Variants in TENM4 observed in about 807,000 individuals in gnomAD.
TENM4 encodes the protein teneurin-4.
In TENM4, 82 loss-of-function variants were observed where a neutral mutation model predicts 243.3. The observed-to-expected ratio is 0.34, with a 90% CI of 0.28 to 0.40. The LOEUF (loss-of-function observed/expected upper bound fraction) is 0.40. TENM4 is among the 10% of genes least tolerant of loss of function. The pLI, the probability that TENM4 is intolerant of heterozygous loss-of-function variation, is 1.00. For synonymous variants in TENM4, 1,412 were observed against 1,456.3 expected (o/e 0.97, Z 0.69); for missense variants, 3,138 against 3,673.3 (o/e 0.85, Z 3.77).
At chr11:79,373,076 T>C (rs903502913) in intron 1 of TENM4, among the ~76,000 whole-genome samples, 1 of 152,180 alleles carries the variant, frequency 6.6e-6, no homozygotes, top group Non-Finnish European at 1.5e-5. Context: ...AAAAAATATA[T>C]ATCTAAAGAC....
intron 2 of TENM4, among the ~76,000 whole-genome samples, chr11:79,271,782 C>G (rs900899592): frequency 2.6e-5 from 4 of 152,198 alleles, no homozygotes; most frequent in Non-Finnish European, 5.9e-5. Context: ...GGCCTCTGGC[C>G]TGGGACTACC....
At chr11:79,044,987 T>G (rs1342380645) in intron 6 of TENM4, among the ~76,000 whole-genome samples, 1 of 152,184 alleles carries the variant, frequency 6.6e-6, no homozygotes, top group Non-Finnish European at 1.5e-5. Context: ...AGCATGTAAT[T>G]CAGTGGCATT....
chr11:78,915,497 G>T (rs970184430), intron 6 of TENM4, among the ~76,000 whole-genome samples: 4 of 152,118 alleles, frequency 2.6e-5, no homozygotes, highest in African/African-American at 9.7e-5. Flanking sequence ...GATTCTCGAG[G>T]GGCCTGGGGT....
intron 2 of TENM4, chr11:79,221,201 C>G (rs1221253434): frequency 6.6e-6 from 1 of 152,150 alleles, no homozygotes; most frequent in Admixed American, 6.5e-5. Context: ...TTGGGACAAG[C>G]CAGCATAGTG....
rs75158447 is a variant in TENM4 at position 79,034,741 on chromosome 11, A to G, written c.493+29997T>C. On this transcript the variant is annotated intron_variant, in intron 6 of 33. Transcript: ENST00000278550. ...AATGCCTGGATAACAAGGTGAGCAC[A>G]TGGCTGTGGGACTGGCATACGTGGA... 2.0e-5 allele frequency among the ~76,000 whole-genome samples: 3 copies of G among 152,188 alleles called. No individual in the cohort carries two copies. The East Asian group carries it at 5.8e-4, about 29-fold the overall frequency.
intron 1 of TENM4, among the ~76,000 whole-genome samples, chr11:79,343,502 A>G (rs762872584): frequency 1.3e-5 from 2 of 152,198 alleles, no homozygotes; most frequent in Admixed American, 6.5e-5. Flanking sequence ...TGTTCTTGTG[A>G]GCATTAAAAA....
At chr11:79,384,106 G>A (rs1858060894) in intron 1 of TENM4, among the ~76,000 whole-genome samples, 1 of 152,122 alleles carries the variant, frequency 6.6e-6, no homozygotes, top group Non-Finnish European at 1.5e-5. Flanking sequence ...TGATGACCAG[G>A]AATTTCATTC....
intron 6 of TENM4, among the ~76,000 whole-genome samples, chr11:78,996,849 G>A (rs1235096574): frequency 6.6e-6 from 1 of 152,180 alleles, no homozygotes; most frequent in Non-Finnish European, 1.5e-5. Context: ...TGGTCTTGTG[G>A]AGGGCTCCAG....
intron 9 of TENM4, among the ~76,000 whole-genome samples, chr11:78,872,386 A>G (rs1031077198): frequency 2.6e-5 from 4 of 152,218 alleles, no homozygotes; most frequent in Non-Finnish European, 5.9e-5. Context: ...CACTGAACCC[A>G]AAGGATCTCC....
chr11:79,259,128 T>C (rs144264924), intron 2 of TENM4, among the ~76,000 whole-genome samples: 1 of 152,200 alleles, frequency 6.6e-6, no homozygotes, highest in East Asian at 1.9e-4. Flanking sequence ...CAGAAGTAGG[T>C]GTGCCATAAT....
At chr11:79,063,783 T>G (rs1190124832) in intron 6 of TENM4, among the ~76,000 whole-genome samples, 2 of 152,108 alleles carry the variant, frequency 1.3e-5, no homozygotes, top group African/African-American at 4.8e-5. Flanking sequence ...AAAGGAGGTG[T>G]GTGAACCAGG....
chr11:79,397,617 G>C (rs1471009407), intron 1 of TENM4, among the ~76,000 whole-genome samples: 2 of 152,194 alleles, frequency 1.3e-5, no homozygotes, highest in African/African-American at 4.8e-5. Context: ...ACCAGATACA[G>C]AATAAGAGTA....
chr11:78,915,554 T>A (rs1408238047), intron 6 of TENM4, among the ~76,000 whole-genome samples: 2 of 152,200 alleles, frequency 1.3e-5, no homozygotes, highest in Non-Finnish European at 2.9e-5. Context: ...AAACTTGACC[T>A]GACATTTCTC....
At chr11:79,198,849 G>A (rs1863687158) in intron 3 of TENM4, among the ~76,000 whole-genome samples, 1 of 152,152 alleles carries the variant, frequency 6.6e-6, no homozygotes, top group Admixed American at 6.5e-5. Context: ...AAGGAGCACG[G>A]GGACTAGGAG....
At chr11:78,837,536 G>C (rs1248249642) in intron 12 of TENM4, among the ~76,000 whole-genome samples, 1 of 152,192 alleles carries the variant, frequency 6.6e-6, no homozygotes, top group African/African-American at 2.4e-5. Context: ...CTGGACTCCA[G>C]TGATCAACCT....
chr11:78,889,562 CTGATA>C (rs1189429218), intron 9 of TENM4, among the ~76,000 whole-genome samples: 17 of 152,184 alleles, frequency 1.1e-4, no homozygotes, highest in Admixed American at 1.1e-3. Flanking sequence ...AGCTTCCTTC[CTGATA>C]TAAGTGCAGA....
rs766219346 is a variant in TENM4, at chr11:78,658,103, G to C, written c.8265C>G (p.Ala2755=). ...VEQYPELSDS[A]NNIHFMRQSE... ...TCTGTCTCATGAAGTGGATGTTGTTGGCGCTGTCTGACAGTTCTGGGTACT... is the reference window on the plus strand; with the variant it reads ...TCTGTCTCATGAAGTGGATGTTGTTCGCGCTGTCTGACAGTTCTGGGTACT... The change falls in exon 34 of 34, where the codon GCC becomes GCG. Residue 2755 remains alanine, a synonymous_variant. Transcript: ENST00000278550. The C allele has an allele frequency of 1.9e-6, 3 of 1,614,032 alleles. No individual in the cohort carries two copies. The Admixed American group carries it at 5.0e-5, about 27-fold the overall frequency.
intron 1 of TENM4, among the ~76,000 whole-genome samples, chr11:79,370,049 G>A (rs1287268998): frequency 1.3e-5 from 2 of 152,116 alleles, no homozygotes; most frequent in South Asian, 4.1e-4. Flanking sequence ...GTAAGAAAAA[G>A]GGTGACATTC....
intron 26 of TENM4, among the ~76,000 whole-genome samples, chr11:78,709,116 C>A (rs1170827415): frequency 2.0e-5 from 3 of 149,582 alleles, no homozygotes; most frequent in Non-Finnish European, 3.0e-5. Context: ...CACAGGCATG[C>A]GCCACCATGC....
Sources: gnomAD v4.1 joint callset for allele counts (sites outside exome capture counted in the v4.1 genomes callset) on GRCh38, gnomAD v4.1.1 for gene constraint, MANE v1.5 for transcripts, NCBI Gene and HGNC (gene_info 2026-07-23, HGNC 2026-07-21) for gene names.